KIF21A: variants seen among roughly 807,000 people sequenced by gnomAD.
KIF21A encodes kinesin-like protein KIF21A.
Under a neutral mutation model 202.9 loss-of-function variants are expected in KIF21A, and 114 were observed. That is an observed-to-expected ratio of 0.56 (90% CI 0.48 to 0.66). KIF21A has a LOEUF of 0.66. Ranked by LOEUF, KIF21A falls within the 30% of genes least tolerant of loss-of-function variation. The pLI is 0.00. For missense variants in KIF21A, 1,677 were observed against 1,994.9 expected (o/e 0.84, Z 3.04); for synonymous variants, 667 against 670.8 (o/e 0.99, Z 0.09).
chr12:39,398,954 T>G (rs964157614), intron 1 of KIF21A, among the ~76,000 whole-genome samples: 3 of 151,928 alleles, frequency 2.0e-5, no homozygotes, highest in African/African-American at 7.3e-5. Flanking sequence ...CTGAGAGCGG[T>G]GACTCATGCC....
At chr12:39,340,049 T>A in intron 16 of KIF21A, 116 bp downstream of exon 16, 1 of 776,320 alleles carries the variant, frequency 1.3e-6, no homozygotes, top group Non-Finnish European at 2.1e-6. Flanking sequence ...ACATCATTTG[T>A]AAGATTGGGT....
chr12:39,387,204 A>ACACACACACAC (rs1951009103), intron 1 of KIF21A, among the ~76,000 whole-genome samples: 5 of 144,300 alleles, frequency 3.5e-5, no homozygotes, highest in African/African-American at 1.3e-4. Context: ...ACACACACAC[A>ACACACACACAC]AGCTTGGACT....
chr12:39,320,919 A>C (rs904612889), intron 27 of KIF21A, among the ~76,000 whole-genome samples: 3 of 134,674 alleles, frequency 2.2e-5, no homozygotes, highest in Non-Finnish European at 4.7e-5. Flanking sequence ...TGGGCAACAG[A>C]GCAAGACTCT....
At chr12:39,357,219 C>T (rs772047286) in intron 9 of KIF21A, 29 bp downstream of exon 9, 2 of 1,598,738 alleles carry the variant, frequency 1.3e-6, no homozygotes, top group Admixed American at 1.7e-5. Flanking sequence ...AGAAGTTAAT[C>T]CCTCACTTAT....
chr12:39,321,110 T>C (rs910894257), intron 27 of KIF21A, among the ~76,000 whole-genome samples: 4 of 152,140 alleles, frequency 2.6e-5, no homozygotes, highest in Non-Finnish European at 5.9e-5. Flanking sequence ...CAATCCTGCA[T>C]CATTTAAATT....
chr12:39,365,368 T>C (rs1351391112), intron 6 of KIF21A, among the ~76,000 whole-genome samples: 1 of 152,250 alleles, frequency 6.6e-6, no homozygotes, highest in African/African-American at 2.4e-5. Flanking sequence ...ACAACTCTGA[T>C]GCTATTGGTG....
chr12:39,420,926 G>A (rs1474916320), intron 1 of KIF21A, among the ~76,000 whole-genome samples: 1 of 151,128 alleles, frequency 6.6e-6, no homozygotes, highest in Non-Finnish European at 1.5e-5. Flanking sequence ...ATGATCTAGG[G>A]AAATGCTCTT....
Position 39,340,204 on chromosome 12 carries a change from C to A in KIF21A, c.2271G>T (p.Lys757Asn), listed in dbSNP as rs775997715. The A allele has an allele frequency of 6.2e-7, 1 of 1,612,668 alleles. No homozygotes were observed. Among genetic ancestry groups the A allele is most frequent in the Non-Finnish European group, 8.5e-7 (1 of 1,179,452 alleles). Residue 757 changes from lysine to asparagine, a missense_variant, in exon 16 of 38, where the codon AAG (lysine) becomes AAT (asparagine). Physicochemically the swap from Lys to Asn is moderately conservative, Grantham distance 94. Around this residue, in one of 3 missense-constraint regions of KIF21A, gnomAD observed 966 missense variants for 1,180.9 expected, o/e 0.82. Transcript: ENST00000361418. ...KNQSQYEKQL[K>N]KLQQDVMEMK... is the part of the protein sequence containing the mutation. ...TTTCCATCACATCCTGCTGCAATTT[C>A]TTCAATTGCTTTTCATACTGAGACT...
intron 26 of KIF21A, among the ~76,000 whole-genome samples, chr12:39,323,461 TC>T (rs1294475944): frequency 6.6e-6 from 1 of 152,222 alleles, no homozygotes; most frequent in Non-Finnish European, 1.5e-5. Flanking sequence ...ATTGTAAGCC[TC>T]TTCCCATGAT....
At chr12:39,336,911 A>C (rs1426731045) in intron 17 of KIF21A, among the ~76,000 whole-genome samples, 185 bp downstream of exon 17, 1 of 152,164 alleles carries the variant, frequency 6.6e-6, no homozygotes, top group Non-Finnish European at 1.5e-5. Context: ...TTTTTTATGA[A>C]CTCTTATACT....
At chr12:39,339,672 C>G (rs926746006) in intron 16 of KIF21A, among the ~76,000 whole-genome samples, 8 of 152,104 alleles carry the variant, frequency 5.3e-5, no homozygotes, top group African/African-American at 1.9e-4. Context: ...TGCACACTCT[C>G]TTTGGACAGG....
chr12:39,328,939 T>A (rs1946232210), intron 24 of KIF21A, among the ~76,000 whole-genome samples: 1 of 152,212 alleles, frequency 6.6e-6, no homozygotes, highest in South Asian at 2.1e-4. Context: ...TCTCAATCAT[T>A]GCCTTCACTG....
intron 26 of KIF21A, among the ~76,000 whole-genome samples, chr12:39,324,035 G>A (rs1404356321): frequency 1.3e-5 from 2 of 151,996 alleles, no homozygotes; most frequent in Admixed American, 6.6e-5. Context: ...GTGTGAACCC[G>A]GAAGGCGGAG....
At chr12:39,356,642 G>A in intron 10 of KIF21A, 190 bp downstream of exon 10, 1 of 458,180 alleles carries the variant, frequency 2.2e-6, no homozygotes, top group Non-Finnish European at 3.9e-6. Flanking sequence ...GAAGAGAAAG[G>A]AGGAAAACAG....
At chr12:39,365,900 C>G (rs1341819342) in intron 6 of KIF21A, among the ~76,000 whole-genome samples, 1 of 152,064 alleles carries the variant, frequency 6.6e-6, no homozygotes, top group African/African-American at 2.4e-5. Context: ...GTCCCAGCTT[C>G]TATGAAGTGG....
chr12:39,412,369 C>A (rs7980532), intron 1 of KIF21A, among the ~76,000 whole-genome samples: 9,743 of 152,058 alleles, frequency 0.064, 1,047 homozygotes, highest in African/African-American at 0.22. Context: ...GAATAACAAA[C>A]TGAATGGTTG....
At chr12:39,415,645 C>A (rs1953516821) in intron 1 of KIF21A, among the ~76,000 whole-genome samples, 2 of 152,138 alleles carry the variant, frequency 1.3e-5, no homozygotes, top group South Asian at 4.1e-4. Context: ...TGTAATCTGG[C>A]AGGTCATTAG....
intron 1 of KIF21A, among the ~76,000 whole-genome samples, chr12:39,416,602 CAT>C (rs367999803): frequency 0.017 from 1,706 of 100,536 alleles, 92 homozygotes; most frequent in African/African-American, 0.052. Flanking sequence ...CTTAAATATA[CAT>C]ATATATATAT....
intron 1 of KIF21A, among the ~76,000 whole-genome samples, chr12:39,437,180 T>G (rs141100501): frequency 1.2e-4 from 18 of 152,366 alleles, no homozygotes; most frequent in African/African-American, 4.3e-4. Flanking sequence ...CGATCATTTC[T>G]GCTTTCATGG....
Sources: gnomAD v4.1 joint callset for allele counts (sites outside exome capture counted in the v4.1 genomes callset) on GRCh38, gnomAD v4.1.1 for gene constraint, gnomAD v4.1.1 regional missense constraint, MANE v1.5 for transcripts, NCBI Gene and HGNC (gene_info 2026-07-23, HGNC 2026-07-21) for gene names.